Variants in CAMKMT observed in about 807,000 individuals in gnomAD.
CAMKMT encodes CaM KMT.
CAMKMT carries 53 observed loss-of-function variants against 48.0 expected under a neutral mutation model. The observed-to-expected ratio is 1.10, with a 90% CI of 0.89 to 1.39. CAMKMT has a LOEUF of 1.39. Ranked by LOEUF, CAMKMT falls within the 40% of genes most tolerant of loss-of-function variation. CAMKMT has a pLI of 0.00. For synonymous variants in CAMKMT, 165 were observed against 152.3 expected, an observed-to-expected ratio of 1.08 and a Z score of -0.61; for missense variants, 428 against 402.7, an observed-to-expected ratio of 1.06 and a Z score of -0.54.
intron 3 of CAMKMT, among the ~76,000 whole-genome samples, chr2:44,476,416 A>G (rs1014895218): frequency 6.6e-6 from 1 of 152,170 alleles, no homozygotes; most frequent in African/African-American, 2.4e-5. Context: ...GTGACTTTGT[A>G]GCATCAACTA....
intron 1 of CAMKMT, among the ~76,000 whole-genome samples, chr2:44,368,605 A>G (rs1388864610): frequency 1.3e-5 from 2 of 152,152 alleles, no homozygotes; most frequent in Admixed American, 6.5e-5. Flanking sequence ...GGTGACTTAA[A>G]TTATTTTTTA....
At chr2:44,595,661 A>C (rs965102150) in intron 3 of CAMKMT, among the ~76,000 whole-genome samples, 4 of 152,132 alleles carry the variant, frequency 2.6e-5, no homozygotes, top group African/African-American at 9.7e-5. Flanking sequence ...AGTTTAAAAA[A>C]CTACTATAAA....
rs72879397 is a variant in CAMKMT at position 44,523,669 on chromosome 2, C to T, written c.376+133364C>T. ...GAGCTAGGATGACCTAAAGGCTTAA[C>T]TGGGACCATAGACTATAGAGTACCT... On this transcript the variant is annotated intron_variant, in intron 3 of 10. Coordinates refer to ENST00000378494, the MANE Select transcript of CAMKMT (RefSeq NM_024766.5). 4.3e-4 allele frequency among the ~76,000 whole-genome samples: 66 copies of T among 151,814 alleles called. 1 individual carries two copies. The East Asian group carries it at 0.012, about 27-fold the overall frequency.
chr2:44,693,540 G>T (rs183771451), intron 3 of CAMKMT, among the ~76,000 whole-genome samples: 11 of 152,082 alleles, frequency 7.2e-5, no homozygotes, highest in Non-Finnish European at 1.2e-4. Flanking sequence ...CCCCCTCTGG[G>T]TCTCAAACTA....
chr2:44,625,910 T>A (rs1339199301), intron 3 of CAMKMT, among the ~76,000 whole-genome samples: 1 of 152,186 alleles, frequency 6.6e-6, no homozygotes, highest in Admixed American at 6.5e-5. Flanking sequence ...TTGATTACTG[T>A]AGATTTACAA....
chr2:44,362,739 G>A lies in CAMKMT; in HGVS notation c.138+594G>A, dbSNP rs778110913. On this transcript the variant is annotated intron_variant, in intron 1 of 10. Coordinates refer to ENST00000378494, the MANE Select transcript of CAMKMT (RefSeq NM_024766.5). ...TCTTGTAGTTTGTAGTGATCAGCGAGATTCTCCGTGTCCAAGGTGGGCTAG... is the reference window on the plus strand; with the variant it reads ...TCTTGTAGTTTGTAGTGATCAGCGAAATTCTCCGTGTCCAAGGTGGGCTAG... Among the ~76,000 whole-genome samples, 3 of 152,210 alleles carry A rather than the reference G, an allele frequency of 2.0e-5. 1 individual carries two copies. Among genetic ancestry groups the A allele is most frequent in the Non-Finnish European group, 4.4e-5 (3 of 68,030 alleles).
chr2:44,672,240 G>A (rs889561241), intron 3 of CAMKMT, among the ~76,000 whole-genome samples: 1 of 152,170 alleles, frequency 6.6e-6, no homozygotes, highest in African/African-American at 2.4e-5. Context: ...TAGCAAGGAG[G>A]TCTGGTGAAT....
At chr2:44,456,733 A>G in intron 3 of CAMKMT, 2 of 828,736 alleles carry the variant, frequency 2.4e-6, no homozygotes, top group East Asian at 2.9e-5. Context: ...ATCATAGCAG[A>G]AATCCTCATG....
intron 3 of CAMKMT, among the ~76,000 whole-genome samples, chr2:44,699,699 T>C (rs866596329): frequency 3.3e-5 from 5 of 152,310 alleles, no homozygotes; most frequent in Middle Eastern, 6.8e-3. Context: ...CTCCAGCTCC[T>C]GGGCTTACTC....
intron 1 of CAMKMT, among the ~76,000 whole-genome samples, chr2:44,368,493 T>C (rs1054898973): frequency 6.6e-6 from 1 of 152,258 alleles, no homozygotes; most frequent in African/African-American, 2.4e-5. Context: ...TCATTGAGTA[T>C]TAGCTTGTTG....
chr2:44,365,902 A>G (rs1446654669), intron 1 of CAMKMT, among the ~76,000 whole-genome samples: 1 of 152,258 alleles, frequency 6.6e-6, no homozygotes, highest in Non-Finnish European at 1.5e-5. Context: ...TTCAGTTTAT[A>G]TCAAAGCAGG....
intron 3 of CAMKMT, among the ~76,000 whole-genome samples, chr2:44,527,202 C>T (rs1001675527): frequency 6.8e-6 from 1 of 147,634 alleles, no homozygotes. Context: ...CAGTGATCCT[C>T]CCATCTCAGC....
At chr2:44,647,878 A>C (rs920148144) in intron 3 of CAMKMT, among the ~76,000 whole-genome samples, 26 of 145,820 alleles carry the variant, frequency 1.8e-4, no homozygotes, top group Non-Finnish European at 7.5e-5. Flanking sequence ...ACTACACTCC[A>C]GCCTGGGCGA....
intron 3 of CAMKMT, among the ~76,000 whole-genome samples, chr2:44,688,904 T>C (rs1465763860): frequency 6.6e-6 from 1 of 152,222 alleles, no homozygotes; most frequent in Non-Finnish European, 1.5e-5. Context: ...ACCTCCTAAA[T>C]ACTATTTACT....
intron 3 of CAMKMT, among the ~76,000 whole-genome samples, chr2:44,397,362 C>T (rs1044890034): frequency 6.6e-6 from 1 of 152,158 alleles, no homozygotes; most frequent in Non-Finnish European, 1.5e-5. Flanking sequence ...ATCAGCAGCC[C>T]TGAGAGTATA....
At chr2:44,675,138 T>C (rs1340017042) in intron 3 of CAMKMT, among the ~76,000 whole-genome samples, 1 of 152,042 alleles carries the variant, frequency 6.6e-6, no homozygotes, top group Non-Finnish European at 1.5e-5. Flanking sequence ...TCCCTTACTC[T>C]ACATTCCCTT....
chr2:44,543,728 A>G (rs1004101288), intron 3 of CAMKMT, among the ~76,000 whole-genome samples: 10 of 152,252 alleles, frequency 6.6e-5, no homozygotes, highest in Non-Finnish European at 1.3e-4. Context: ...ATAGAAAATT[A>G]GAAAATACCA....
At position 44,632,430 on chromosome 2, in the gene CAMKMT, A is replaced by T. The variant is rs866279737; in HGVS notation, c.377-71853A>T. ...TTTCAAAATAAATTTCATCGTATGTATTTGAGGTTTACAACATGATGTTAT... is the reference window on the plus strand; with the variant it reads ...TTTCAAAATAAATTTCATCGTATGTTTTTGAGGTTTACAACATGATGTTAT... On this transcript the variant is annotated intron_variant, in intron 3 of 10. Coordinates refer to ENST00000378494, the MANE Select transcript of CAMKMT (RefSeq NM_024766.5). 3.9e-5 allele frequency among the ~76,000 whole-genome samples: 6 copies of T among 152,122 alleles called. No individual in the cohort carries two copies. The South Asian group carries it at 1.2e-3, about 31-fold the overall frequency.
At chr2:44,535,690 C>G (rs1011056916) in intron 3 of CAMKMT, among the ~76,000 whole-genome samples, 31 of 152,242 alleles carry the variant, frequency 2.0e-4, no homozygotes, top group African/African-American at 7.5e-4. Context: ...ATTCAGCACC[C>G]ATTCATAATA....
Sources: allele counts gnomAD v4.1 joint callset (sites outside exome capture counted in the v4.1 genomes callset), GRCh38; gene constraint gnomAD v4.1.1; transcripts MANE v1.5; gene names NCBI Gene and HGNC (gene_info 2026-07-23, HGNC 2026-07-21).